The following CUBN variants were observed in gnomAD, a reference collection of about 807,000 sequenced individuals.
The protein encoded by CUBN is 460 kDa receptor.
CUBN carries 282 observed loss-of-function variants against 405.3 expected under a neutral mutation model. The ratio of observed to expected loss-of-function variants is 0.70; its 90% confidence interval spans 0.63 to 0.77. CUBN has a LOEUF of 0.77. Ranked by LOEUF, CUBN falls within the 30% of genes least tolerant of loss-of-function variation. The pLI is 0.00. For missense variants in CUBN, 4,514 were observed against 4,475.2 expected (o/e 1.01, Z -0.25); for synonymous variants, 1,684 against 1,617.0 (o/e 1.04, Z -0.99).
intron 54 of CUBN, among the ~76,000 whole-genome samples, chr10:16,891,901 A>C (rs529924855): frequency 1.3e-5 from 2 of 152,098 alleles, no homozygotes; most frequent in Non-Finnish European, 2.9e-5. Flanking sequence ...TGCAATACCC[A>C]ATATGCCCTT....
intron 15 of CUBN, among the ~76,000 whole-genome samples, chr10:17,087,460 A>ATTTTTTTT (rs1564510318): frequency 5.9e-4 from 58 of 99,090 alleles, no homozygotes; most frequent in Non-Finnish European, 8.1e-4. Context: ...AATCACTATT[A>ATTTTTTTT]TTTTTCTTTT....
At position 16,891,381 on chromosome 10, in the gene CUBN, G is replaced by A. The variant is rs1840999018; in HGVS notation, c.8599-854C>T. 3.3e-5 allele frequency among the ~76,000 whole-genome samples: 5 copies of A among 152,274 alleles called. No individual in the cohort carries two copies. In the South Asian group the frequency reaches 1.0e-3, roughly 32 times the overall value. On this transcript the variant is annotated intron_variant, in intron 54 of 66. Coordinates refer to ENST00000377833, the MANE Select transcript of CUBN (RefSeq NM_001081.4). ...TGGTGGCTTTACCTAACTGGGGGAA[G>A]TGAGCCTGCCCCGAGCGAACCCCGA... is the stretch of plus-strand genomic sequence containing the variant.
intron 28 of CUBN, among the ~76,000 whole-genome samples, chr10:17,007,482 T>C (rs1834059388): frequency 1.3e-5 from 2 of 152,226 alleles, no homozygotes; most frequent in South Asian, 4.1e-4. Flanking sequence ...GTAAATGCGT[T>C]TGTGTATGAA....
In CUBN at chr10:16,842,171, A is replaced by C. The variant is rs534824642; in HGVS notation, c.9664-1124T>G. 4.0e-5 allele frequency among the ~76,000 whole-genome samples: 6 copies of C among 151,892 alleles called. No individual in the cohort carries two copies. In the East Asian group the frequency reaches 9.7e-4, roughly 25 times the overall value. On this transcript the variant is annotated intron_variant, in intron 60 of 66. Transcript: ENST00000377833. ...GTGATCCTCCCACCTCAGCCTCCCAAGTACCTGGGACTACAGGTGCATGCC... is the reference window on the plus strand; with the variant it reads ...GTGATCCTCCCACCTCAGCCTCCCACGTACCTGGGACTACAGGTGCATGCC...
intron 31 of CUBN, among the ~76,000 whole-genome samples, chr10:16,957,364 G>A (rs1264391661): frequency 6.6e-6 from 1 of 152,138 alleles, no homozygotes; most frequent in South Asian, 2.1e-4. Flanking sequence ...ACAAATGACA[G>A]GATTGTGTTC....
intron 38 of CUBN, 59 bp downstream of exon 38, chr10:16,938,904 A>G: frequency 1.4e-6 from 2 of 1,445,882 alleles, no homozygotes; most frequent in Admixed American, 3.3e-5. Context: ...CCTTGGATTT[A>G]TTTTTACCAA....
chr10:17,009,671 C>T (rs1834126117), intron 28 of CUBN, among the ~76,000 whole-genome samples: 1 of 152,120 alleles, frequency 6.6e-6, no homozygotes, highest in South Asian at 2.1e-4. Flanking sequence ...TAGTCAGGGC[C>T]CCACTGCAGA....
At chr10:17,110,842 G>A (rs1238001968) in intron 9 of CUBN, 77 bp downstream of exon 9, 8 of 1,597,320 alleles carry the variant, frequency 5.0e-6, no homozygotes, top group Non-Finnish European at 6.0e-6. Context: ...ATTTTAAATG[G>A]AGCACTAGAT....
intron 55 of CUBN, among the ~76,000 whole-genome samples, chr10:16,888,811 C>T (rs1002201389): frequency 2.0e-5 from 3 of 152,052 alleles, no homozygotes; most frequent in African/African-American, 4.8e-5. Flanking sequence ...CGTAATATTA[C>T]CACAAATCTA....
chr10:16,977,322 T>C (rs963709176), intron 31 of CUBN, among the ~76,000 whole-genome samples: 3 of 152,084 alleles, frequency 2.0e-5, no homozygotes, highest in Non-Finnish European at 2.9e-5. Context: ...TATAAACCCC[T>C]AAACCCAGGC....
chr10:17,065,782 C>T, intron 21 of CUBN, 144 bp from the exon 22 acceptor site: 1 of 1,014,764 alleles, frequency 9.9e-7, no homozygotes, highest in South Asian at 1.4e-5. Context: ...ATATTTCAGG[C>T]AAAAAAGATT....
chr10:16,953,196 G>A (rs983430517), intron 32 of CUBN, among the ~76,000 whole-genome samples: 4 of 152,134 alleles, frequency 2.6e-5, no homozygotes, highest in Non-Finnish European at 4.4e-5. Context: ...GTGACTTTCA[G>A]GAGGTTGTTA....
At chr10:16,974,247 G>A (rs1217498903) in intron 31 of CUBN, among the ~76,000 whole-genome samples, 1 of 152,238 alleles carries the variant, frequency 6.6e-6, no homozygotes, top group African/African-American at 2.4e-5. Flanking sequence ...ATATCACAAA[G>A]TCCAGGCTCA....
chr10:16,904,245 T>G (rs1841493675), intron 50 of CUBN, 130 bp from the exon 51 acceptor site: 1 of 864,920 alleles, frequency 1.2e-6, no homozygotes, highest in East Asian at 2.6e-5. Flanking sequence ...TAGCAGACAT[T>G]GCACAATATT....
In CUBN at chr10:16,907,541, A is replaced by G. The variant is rs1841587742; in HGVS notation, c.7672T>C (p.Phe2558Leu). ...TCACTGGAGGTATAGGAAGCAGTGA[A>G]GCCGCCATATGGCCTGGATCCATCC... ...FTDGSRPYGG[F>L]TASYTSSEDA... is the part of the protein sequence containing the mutation. The change falls in exon 49 of 67, where the codon TTC becomes CTC. Residue 2558 changes from phenylalanine to leucine, a missense_variant. By Grantham distance (22) the Phe-to-Leu change is conservative. Coordinates refer to ENST00000377833, the MANE Select transcript of CUBN (RefSeq NM_001081.4). 6.2e-7 allele frequency: 1 copy of G among 1,614,024 alleles called. No homozygotes were observed. Among genetic ancestry groups the G allele is most frequent in the African/African-American group, 1.3e-5 (1 of 74,910 alleles).
chr10:17,104,214 G>C (rs1836565077), intron 12 of CUBN, among the ~76,000 whole-genome samples: 1 of 152,130 alleles, frequency 6.6e-6, no homozygotes, highest in Admixed American at 6.5e-5. Context: ...TTTATTCTTT[G>C]GAAGAAAAGT....
At chr10:16,960,643 T>C (rs1843191934) in intron 31 of CUBN, among the ~76,000 whole-genome samples, 1 of 152,254 alleles carries the variant, frequency 6.6e-6, no homozygotes, top group African/African-American at 2.4e-5. Context: ...TGACAGTTGC[T>C]GGTCTCTAAA....
At position 17,104,547 on chromosome 10, in the gene CUBN, G is replaced by C. The variant is rs754271681; in HGVS notation, c.1289C>G (p.Thr430Arg). 1 of 1,613,722 alleles carries C rather than the reference G, an allele frequency of 6.2e-7. No individual in the cohort carries two copies. Among genetic ancestry groups the C allele is most frequent in the Non-Finnish European group, 8.5e-7 (1 of 1,179,962 alleles). Reference protein sequence around the residue: ...CDSGWTGVNCTENINECLSNP... With the variant: ...CDSGWTGVNCRENINECLSNP... The stretch of plus-strand genomic sequence containing the variant: ...GCTCAAACACTCATTGATGTTTTCT[G>C]TACAGTTGACACCTGTCCAACCTGA... Residue 430 changes from threonine (T) to arginine (R), a missense_variant, in exon 12 of 67, where the codon ACA (threonine) becomes AGA (arginine). Transcript: ENST00000377833.
chr10:16,892,068 C>G (rs1420630479), intron 54 of CUBN, among the ~76,000 whole-genome samples: 1 of 152,128 alleles, frequency 6.6e-6, no homozygotes, highest in Non-Finnish European at 1.5e-5. Context: ...AATAAAACAT[C>G]AAGTCATTAA....
Sources: allele counts gnomAD v4.1 joint callset (sites outside exome capture counted in the v4.1 genomes callset), GRCh38; gene constraint gnomAD v4.1.1; transcripts MANE v1.5; gene names NCBI Gene and HGNC (gene_info 2026-07-23, HGNC 2026-07-21).